The following PLD5 variants were observed in gnomAD, a reference collection of about 807,000 sequenced individuals.
The protein encoded by PLD5 is inactive phospholipase D5.
In PLD5, 36 loss-of-function variants were observed where a neutral mutation model predicts 61.1. The ratio of observed to expected loss-of-function variants is 0.59; its 90% CI spans 0.45 to 0.78. The LOEUF (loss-of-function observed/expected upper bound fraction) is 0.78. Ranked by LOEUF, PLD5 falls within the 30% of genes least tolerant of loss-of-function variation. The probability of loss-of-function intolerance (pLI) is 0.00; values close to 1 mark genes in which losing one functional copy is unlikely to be tolerated. For missense variants in PLD5, 515 were observed against 644.4 expected (o/e 0.80, Z 2.17); for synonymous variants, 243 against 242.8 (o/e 1.00, Z -0.01).
At chr1:242,182,159 C>G (rs1050066223) in intron 5 of PLD5, among the ~76,000 whole-genome samples, 1 of 152,168 alleles carries the variant, frequency 6.6e-6, no homozygotes, top group Non-Finnish European at 1.5e-5. Context: ...TCTCCTCTCA[C>G]GCAGTTGTTC....
intron 1 of PLD5, among the ~76,000 whole-genome samples, chr1:242,461,954 C>T (rs530122253): frequency 2.0e-5 from 3 of 152,150 alleles, no homozygotes; most frequent in Non-Finnish European, 4.4e-5. Flanking sequence ...AAGTTCTCAA[C>T]AGATTCTGGA....
At chr1:242,509,196 G>A (rs1431824800) in intron 1 of PLD5, among the ~76,000 whole-genome samples, 1 of 151,984 alleles carries the variant, frequency 6.6e-6, no homozygotes, top group Non-Finnish European at 1.5e-5. Context: ...GGGCAACAAG[G>A]TGAAACCCCA....
intron 1 of PLD5, among the ~76,000 whole-genome samples, chr1:242,410,372 C>T (rs1664481536): frequency 6.6e-6 from 1 of 151,532 alleles, no homozygotes; most frequent in South Asian, 2.1e-4. Flanking sequence ...GTAAAAAACC[C>T]ACTGGCTTTC....
intron 2 of PLD5, among the ~76,000 whole-genome samples, chr1:242,329,854 C>T (rs1389180025): frequency 6.6e-6 from 1 of 152,114 alleles, no homozygotes; most frequent in African/African-American, 2.4e-5. Context: ...TACTCTTAAA[C>T]CCATTTACAG....
At chr1:242,461,854 T>C (rs1042903921) in intron 1 of PLD5, among the ~76,000 whole-genome samples, 3 of 152,228 alleles carry the variant, frequency 2.0e-5, no homozygotes, top group Non-Finnish European at 4.4e-5. Flanking sequence ...ACGCTAAGCA[T>C]TTTTCCATGT....
intron 5 of PLD5, among the ~76,000 whole-genome samples, chr1:242,131,564 A>T (rs577478410): frequency 1.3e-5 from 2 of 152,302 alleles, no homozygotes; most frequent in South Asian, 4.1e-4. Context: ...AACCCATTTC[A>T]CAGTAAGAAA....
intron 7 of PLD5, among the ~76,000 whole-genome samples, chr1:242,111,560 TA>T (rs533347985): frequency 2.9e-4 from 44 of 152,304 alleles, no homozygotes; most frequent in African/African-American, 5.5e-4. Context: ...ATGTATAGAC[TA>T]AAAGTTAAGT....
In PLD5 at chr1:242,495,624, T is replaced by C. The variant is rs187895489; in HGVS notation, c.189+28464A>G. ...CAAGGAAAATTGGTGAACAAATAAG[T>C]GGGTGAAGAATAAAAATGGAAAAAA... On this transcript the variant is annotated intron_variant, in intron 1 of 9. Coordinates refer to ENST00000536534, the MANE Select transcript of PLD5 (RefSeq NM_001372062.1). Among the ~76,000 whole-genome samples the C allele has an allele frequency of 2.7e-3, 405 of 152,156 alleles. 4 individuals are homozygous for C. The highest frequency in any genetic ancestry group is 9.3e-3 in the African/African-American group (386 of 41,504).
chr1:242,339,720 C>A (rs928545906), intron 2 of PLD5, among the ~76,000 whole-genome samples: 5 of 152,178 alleles, frequency 3.3e-5, no homozygotes, highest in African/African-American at 1.2e-4. Context: ...AAAGGAACAT[C>A]TCTTCCTCTG....
At chr1:242,174,857 C>T (rs187543814) in intron 5 of PLD5, among the ~76,000 whole-genome samples, 8 of 152,120 alleles carry the variant, frequency 5.3e-5, no homozygotes, top group Admixed American at 4.6e-4. Flanking sequence ...AATGAGAACA[C>T]CTGGACATAG....
intron 5 of PLD5, among the ~76,000 whole-genome samples, chr1:242,189,805 G>T (rs1164623359): frequency 6.6e-6 from 1 of 152,172 alleles, no homozygotes; most frequent in East Asian, 1.9e-4. Flanking sequence ...TATGGGAGAA[G>T]AACTATGCCA....
chr1:242,512,124 G>A (rs151236178), intron 1 of PLD5, among the ~76,000 whole-genome samples: 3 of 151,996 alleles, frequency 2.0e-5, no homozygotes, highest in Admixed American at 1.3e-4. Context: ...GTATTTTGGT[G>A]GGTTTGGTTG....
At chr1:242,135,608 G>A (rs796357618) in intron 5 of PLD5, among the ~76,000 whole-genome samples, 7 of 152,324 alleles carry the variant, frequency 4.6e-5, no homozygotes, top group African/African-American at 1.7e-4. Context: ...TTGATGGAAA[G>A]ATACTGGAGG....
chr1:242,147,204 T>TC (rs146158816), intron 5 of PLD5, among the ~76,000 whole-genome samples: 10,876 of 152,166 alleles, frequency 0.071, 456 homozygotes, highest in Middle Eastern at 0.13. Context: ...CAACCACTAA[T>TC]CTGTTTTTCT....
chr1:242,257,410 A>T (rs1673131244), intron 4 of PLD5, among the ~76,000 whole-genome samples: 1 of 152,180 alleles, frequency 6.6e-6, no homozygotes. Context: ...GCTGAGCAGG[A>T]CTGTGTTAAC....
chr1:242,198,614 C>A (rs1186477803), intron 5 of PLD5, among the ~76,000 whole-genome samples: 4 of 137,538 alleles, frequency 2.9e-5, no homozygotes, highest in Admixed American at 8.2e-5. Flanking sequence ...AGTCACAGGT[C>A]ACTACTGAGT....
chr1:242,318,765 C>T (rs747218438), intron 2 of PLD5, among the ~76,000 whole-genome samples: 7 of 151,720 alleles, frequency 4.6e-5, no homozygotes, highest in South Asian at 4.2e-4. Context: ...GCTGGGATTA[C>T]GGGCATGAGC....
chr1:242,443,605 G>A (rs1572163407), intron 1 of PLD5, among the ~76,000 whole-genome samples: 2 of 152,180 alleles, frequency 1.3e-5, no homozygotes, highest in East Asian at 3.8e-4. Context: ...AGTAATGAAT[G>A]AGGAGTGTTG....
At chr1:242,361,564 C>G (rs532551159) in intron 1 of PLD5, among the ~76,000 whole-genome samples, 29 of 152,152 alleles carry the variant, frequency 1.9e-4, no homozygotes, top group Non-Finnish European at 4.4e-5. Flanking sequence ...CTAAACTTCA[C>G]AAGACAAAAC....
Sources: gnomAD v4.1 joint callset for allele counts (sites outside exome capture counted in the v4.1 genomes callset) on GRCh38, gnomAD v4.1.1 for gene constraint, MANE v1.5 for transcripts, NCBI Gene and HGNC (gene_info 2026-07-23, HGNC 2026-07-21) for gene names.